The following TUSC3 variants were observed in gnomAD, a reference collection of about 807,000 sequenced individuals.
TUSC3 encodes the protein dolichyl-diphosphooligosaccharide--protein glycosyltransferase subunit TUSC3.
A neutral mutation model predicts 44.8 loss-of-function variants in TUSC3; 45 were observed. The observed-to-expected ratio is 1.00, with a 90% CI of 0.79 to 1.29. The LOEUF is 1.29. TUSC3 is among the 50% of genes most tolerant of loss of function. TUSC3 has a pLI of 0.00. For missense variants in TUSC3, 519 were observed against 437.9 expected, an observed-to-expected ratio of 1.19 and a Z score of -1.65; for synonymous variants, 212 against 152.9, an observed-to-expected ratio of 1.39 and a Z score of -2.85.
chr8:15,494,989 T>A (rs906524553), intron 2 of TUSC3, among the ~76,000 whole-genome samples: 1 of 152,210 alleles, frequency 6.6e-6, no homozygotes, highest in Non-Finnish European at 1.5e-5. Context: ...CTCCCACTTA[T>A]AAGGAACATG....
intron 2 of TUSC3, among the ~76,000 whole-genome samples, chr8:15,486,412 T>C (rs1007490747): frequency 3.9e-5 from 6 of 152,134 alleles, no homozygotes; most frequent in African/African-American, 1.4e-4. Flanking sequence ...GTTTGATCAT[T>C]CTATAATTCT....
chr8:15,526,188 A>G (rs987231567), intron 2 of TUSC3, among the ~76,000 whole-genome samples: 1 of 151,894 alleles, frequency 6.6e-6, no homozygotes, highest in African/African-American at 2.4e-5. Context: ...GCCCGCCATC[A>G]CGGCCGGCTA....
At chr8:15,645,664 G>A (rs1265026870) in intron 2 of TUSC3, among the ~76,000 whole-genome samples, 1 of 152,024 alleles carries the variant, frequency 6.6e-6, no homozygotes, top group Non-Finnish European at 1.5e-5. Context: ...ATTAAGATCT[G>A]GATTCAACAT....
chr8:15,662,403 C>A (rs1807463711), intron 5 of TUSC3, 107 bp downstream of exon 5: 2 of 1,478,284 alleles, frequency 1.4e-6, no homozygotes, highest in Non-Finnish European at 1.9e-6. Flanking sequence ...GAACTTAAGT[C>A]TGAATGAGAA....
At chr8:15,672,700 A>T (rs943988366) in intron 5 of TUSC3, among the ~76,000 whole-genome samples, 2 of 152,090 alleles carry the variant, frequency 1.3e-5, no homozygotes, top group African/African-American at 4.8e-5. Context: ...AGCCAAAAAA[A>T]GTGAGACTTC....
chr8:15,575,818 A>T (rs1192914380), intron 1 of TUSC3, among the ~76,000 whole-genome samples: 1 of 152,102 alleles, frequency 6.6e-6, no homozygotes, highest in African/African-American at 2.4e-5. Flanking sequence ...TATTATACAT[A>T]GTTTATATCA....
chr8:15,694,288 C>A (rs1034136757), intron 6 of TUSC3, among the ~76,000 whole-genome samples: 3 of 151,798 alleles, frequency 2.0e-5, no homozygotes, highest in Admixed American at 2.0e-4. Context: ...ACTGAAAATA[C>A]AAAATTAGCC....
At chr8:15,502,674 G>A (rs1356701138) in intron 2 of TUSC3, among the ~76,000 whole-genome samples, 1 of 152,130 alleles carries the variant, frequency 6.6e-6, no homozygotes, top group Admixed American at 6.5e-5. Context: ...TGTATTTTTA[G>A]TAGAGTCAGG....
At chr8:15,502,878 G>C (rs541682364) in intron 2 of TUSC3, among the ~76,000 whole-genome samples, 8 of 152,294 alleles carry the variant, frequency 5.3e-5, no homozygotes, top group Admixed American at 1.3e-4. Context: ...AAGAATGCCA[G>C]TGAGTTACTC....
At chr8:15,612,711 T>G (rs1177025683) in intron 1 of TUSC3, among the ~76,000 whole-genome samples, 3 of 152,212 alleles carry the variant, frequency 2.0e-5, no homozygotes, top group Non-Finnish European at 2.9e-5. Context: ...CCTTCTAACC[T>G]TTGTTTTTTA....
chr8:15,582,711 C>T (rs114913645), intron 1 of TUSC3, among the ~76,000 whole-genome samples: 2,196 of 152,300 alleles, frequency 0.014, 39 homozygotes, highest in African/African-American at 0.048. Context: ...GCTGCTGAAA[C>T]TGCCTGGTGT....
chr8:15,692,963 A>C (rs1808985620), intron 6 of TUSC3, among the ~76,000 whole-genome samples: 1 of 152,140 alleles, frequency 6.6e-6, no homozygotes, highest in Non-Finnish European at 1.5e-5. Flanking sequence ...TTTGTCTGAA[A>C]TTGGAATACC....
chr8:15,733,393 A>G (rs926059735), intron 7 of TUSC3: 2 of 411,242 alleles, frequency 4.9e-6, no homozygotes, highest in Admixed American at 2.9e-5. Flanking sequence ...ATGATGTAGC[A>G]TCTTAGCAGT....
chr8:15,740,577 T>C (rs976222390), intron 7 of TUSC3, among the ~76,000 whole-genome samples: 3 of 151,468 alleles, frequency 2.0e-5, no homozygotes, highest in Admixed American at 6.6e-5. Context: ...AATGAACATA[T>C]CAAAAGATGC....
At chr8:15,840,300 A>G in the TUSC3 span, among the ~76,000 whole-genome samples, 5 of 152,138 alleles carry the variant, frequency 3.3e-5, no homozygotes, top group African/African-American at 1.2e-4. Flanking sequence ...TGGGTGCAGC[A>G]CACCAACATG....
chr8:15,762,054 A>G (rs1812186861), intron 10 of TUSC3, among the ~76,000 whole-genome samples: 1 of 151,874 alleles, frequency 6.6e-6, no homozygotes, highest in South Asian at 2.1e-4. Flanking sequence ...TAATATTTAT[A>G]ATTTAATATT....
intron 2 of TUSC3, among the ~76,000 whole-genome samples, chr8:15,488,179 C>G (rs1800758454): frequency 6.6e-6 from 1 of 152,080 alleles, no homozygotes; most frequent in African/African-American, 2.4e-5. Flanking sequence ...TTCTTCTTCA[C>G]TATCCACTTT....
intron 6 of TUSC3, among the ~76,000 whole-genome samples, chr8:15,685,909 T>TCACATTTTCA (rs71211071): frequency 1.0e-3 from 1 of 982 alleles, no homozygotes; most frequent in East Asian, 0.12. Context: ...GTGACTCTGC[T>TCACATTTTCA]CATATTAATT....
In TUSC3 at chr8:15,575,023, C is replaced by T. The variant is rs574788601; in HGVS notation, c.138+34455C>T. Among the ~76,000 whole-genome samples, 32 of 152,140 alleles carry T rather than the reference C, an allele frequency of 2.1e-4. No individual in the cohort carries two copies. In the South Asian group the frequency reaches 6.0e-3, roughly 29 times the overall value. The stretch of plus-strand genomic sequence containing the variant: ...TTTCTGCTGTGCTTCATTTTTATTT[C>T]TTGAAGTATTTAGAAAATTTTTATA... On this transcript the variant is annotated intron_variant, in intron 1 of 10. Coordinates refer to ENST00000503731, the MANE Select transcript of TUSC3 (RefSeq NM_006765.4).
Sources: allele counts gnomAD v4.1 joint callset (sites outside exome capture counted in the v4.1 genomes callset), GRCh38; gene constraint gnomAD v4.1.1; transcripts MANE v1.5; gene names NCBI Gene and HGNC (gene_info 2026-07-23, HGNC 2026-07-21).